HEATR4: variants seen among roughly 807,000 people sequenced by gnomAD.
The protein encoded by HEATR4 is HEAT repeat containing 4.
Under a neutral mutation model 108.8 loss-of-function variants are expected in HEATR4, and 95 were observed. The observed-to-expected ratio is 0.87, with a 90% CI of 0.74 to 1.04. The LOEUF is 1.04. Among genes scored for constraint, HEATR4 ranks in the 50% least tolerant of loss-of-function variants. HEATR4 has a pLI of 0.00. For synonymous variants in HEATR4, 443 were observed against 459.4 expected, an observed-to-expected ratio of 0.96 and a Z score of 0.46; for missense variants, 1,152 against 1,253.8, an observed-to-expected ratio of 0.92 and a Z score of 1.23.
At position 73,533,505 on chromosome 14, in the gene HEATR4, C is replaced by A. The variant is rs1427512148; in HGVS notation, c.-151-3261G>T. 6.2e-5 allele frequency among the ~76,000 whole-genome samples: 7 copies of A among 113,798 alleles called. 1 individual carries two copies. The highest frequency in any genetic ancestry group is 2.0e-4 in the African/African-American group (7 of 34,864). 74.7% of individuals were successfully genotyped at this position (113,798 alleles called of 152,430 possible). On this transcript the variant is annotated intron_variant, in intron 1 of 17. Transcript: ENST00000553558. ...ACCAGCCTGGTCAACATGGTGGAAC[C>A]CCATCTCTACTAAAAATACAAAAAT...
chr14:73,629,160 G>A, the HEATR4 span, among the ~76,000 whole-genome samples: 1 of 152,010 alleles, frequency 6.6e-6, no homozygotes, highest in Admixed American at 6.6e-5. Flanking sequence ...AAAAATATCA[G>A]CAAAAAGATT....
chr14:73,587,477 C>T, the HEATR4 span, among the ~76,000 whole-genome samples: 27 of 152,068 alleles, frequency 1.8e-4, no homozygotes, highest in African/African-American at 4.8e-4. Flanking sequence ...CTTAGTCTCC[C>T]GGGACATTGC....
chr14:73,500,799 A>C, intron 11 of HEATR4, 69 bp from the exon 12 acceptor site: 6 of 1,411,146 alleles, frequency 4.3e-6, no homozygotes, highest in East Asian at 2.3e-5. Flanking sequence ...ACCCCCACTA[A>C]TGCCCTCATG....
chr14:73,571,824 C>T, the HEATR4 span, among the ~76,000 whole-genome samples: 1 of 152,078 alleles, frequency 6.6e-6, no homozygotes, highest in Non-Finnish European at 1.5e-5. Context: ...TGTAAATTAG[C>T]ATTTACAATA....
At chr14:73,524,042 G>A (rs1888142836) in intron 2 of HEATR4, among the ~76,000 whole-genome samples, 1 of 151,902 alleles carries the variant, frequency 6.6e-6, no homozygotes, top group Non-Finnish European at 1.5e-5. Context: ...TGTAATCCCA[G>A]CACTTTGGGA....
At chr14:73,572,647 T>C in the HEATR4 span, among the ~76,000 whole-genome samples, 12,055 of 58,262 alleles carry the variant, frequency 0.21, 1,138 homozygotes, top group African/African-American at 0.31. Context: ...GCATTTTTTT[T>C]TTTTTTTTTT....
chr14:73,593,752 C>G, the HEATR4 span: 4 of 1,613,774 alleles, frequency 2.5e-6, 1 homozygote, highest in Admixed American at 3.3e-5. Context: ...TGGAGGGGGC[C>G]TCTTGGAATA....
At chr14:73,584,168 G>T in the HEATR4 span, among the ~76,000 whole-genome samples, 5 of 151,780 alleles carry the variant, frequency 3.3e-5, 1 homozygote, top group Non-Finnish European at 7.4e-5. Flanking sequence ...CACCCTCAGA[G>T]AAGAATCATG....
At chr14:73,524,948 T>C (rs1045403878) in intron 2 of HEATR4, among the ~76,000 whole-genome samples, 2 of 152,190 alleles carry the variant, frequency 1.3e-5, no homozygotes, top group African/African-American at 4.8e-5. Flanking sequence ...ATGATTTCTC[T>C]TACTGTCTTC....
At chr14:73,500,772 T>C in intron 11 of HEATR4, 42 bp from the exon 12 acceptor site, 1 of 1,586,232 alleles carries the variant, frequency 6.3e-7, no homozygotes, top group South Asian at 1.1e-5. Flanking sequence ...CCTTAAACTT[T>C]CAGTACCTAA....
chr14:73,483,498 A>G (rs1885331505), intron 17 of HEATR4, among the ~76,000 whole-genome samples: 1 of 152,142 alleles, frequency 6.6e-6, no homozygotes, highest in South Asian at 2.1e-4. Flanking sequence ...AGCTAAAACT[A>G]CGTGTACCAT....
intron 2 of HEATR4, among the ~76,000 whole-genome samples, chr14:73,524,310 A>AAAAAAAATATATAT: frequency 1.3e-4 from 7 of 54,778 alleles, no homozygotes; most frequent in African/African-American, 5.3e-4. Flanking sequence ...AAAAAAAAAA[A>AAAAAAAATATATAT]ATATATATAT....
chr14:73,482,924 G>C (rs377602409), intron 17 of HEATR4, among the ~76,000 whole-genome samples: 6 of 152,280 alleles, frequency 3.9e-5, no homozygotes, highest in East Asian at 3.9e-4. Context: ...GCCTCCCAAA[G>C]TGCTGGGATT....
upstream of HEATR4, among the ~76,000 whole-genome samples, chr14:73,560,242 C>T (rs543996718): frequency 7.2e-5 from 11 of 152,190 alleles, no homozygotes; most frequent in African/African-American, 2.2e-4. Context: ...TCAGGTGGTC[C>T]ATCTCTTGGT....
chr14:73,591,545 A>T, the HEATR4 span, among the ~76,000 whole-genome samples: 2 of 152,026 alleles, frequency 1.3e-5, no homozygotes, highest in Admixed American at 6.5e-5. Flanking sequence ...CTGTTTCAAA[A>T]AAAAAAAAAG....
the HEATR4 span, chr14:73,593,722 A>C: frequency 6.2e-7 from 1 of 1,612,478 alleles, no homozygotes; most frequent in Non-Finnish European, 8.5e-7. Flanking sequence ...CTTCCCAGGG[A>C]TCATTGACAT....
At chr14:73,497,143 G>C (rs947061534) in intron 14 of HEATR4, among the ~76,000 whole-genome samples, 1 of 152,156 alleles carries the variant, frequency 6.6e-6, no homozygotes, top group Non-Finnish European at 1.5e-5. Context: ...TGATCCACCC[G>C]CCTTGGCCTC....
the HEATR4 span, chr14:73,619,201 T>C: frequency 9.8e-6 from 15 of 1,526,750 alleles, no homozygotes; most frequent in African/African-American, 1.8e-4. Context: ...TTATGAATTC[T>C]AAGCTTGTTT....
chr14:73,498,206 C>G lies in HEATR4; in HGVS notation c.2495G>C (p.Arg832Thr). Reference sequence around the variant, plus strand: ...GAGCAGCACGTCTAGGAAGGTGTCCCTGACCCGGTCCCCTTGAAGTTTCAG... The same window carrying G: ...GAGCAGCACGTCTAGGAAGGTGTCCGTGACCCGGTCCCCTTGAAGTTTCAG... The part of the protein sequence containing the change: ...LALKLQGDRV[R>T]DTFLDVLLLE... Residue 832 changes from arginine (R) to threonine (T), a missense_variant, in exon 14 of 18, where the codon AGG becomes ACG. Arg to Thr is a moderately conservative substitution (Grantham distance 71). Coordinates refer to ENST00000553558, the MANE Select transcript of HEATR4 (RefSeq NM_001220484.1). 6.2e-7 allele frequency: 1 copy of G among 1,614,044 alleles called. No individual in the cohort carries two copies.
Sources: gnomAD v4.1 joint callset for allele counts (sites outside exome capture counted in the v4.1 genomes callset) on GRCh38, gnomAD v4.1.1 for gene constraint, MANE v1.5 for transcripts, NCBI Gene and HGNC (gene_info 2026-07-23, HGNC 2026-07-21) for gene names.